The following LRRC14B variants were observed in gnomAD, a reference collection of about 807,000 sequenced individuals.
The protein encoded by LRRC14B is leucine rich repeat containing 14B, also known as leucine-rich repeat-containing protein 14B.
Under a neutral mutation model 16.9 loss-of-function variants are expected in LRRC14B, and 23 were observed. The ratio of observed to expected loss-of-function variants is 1.36; its 90% CI spans 0.98 to 1.92. The LOEUF (loss-of-function observed/expected upper bound fraction) is 1.92, where lower values mean the gene tolerates loss of function less well. Among genes scored for constraint, LRRC14B ranks in the 30% most tolerant of loss-of-function variants. LRRC14B has a pLI of 0.00. For missense variants in LRRC14B, 766 were observed against 705.7 expected (o/e 1.09, Z -0.97); for synonymous variants, 358 against 332.5 (o/e 1.08, Z -0.83).
chr5:193,296 G>A (rs1330664278), intron 1 of LRRC14B, among the ~76,000 whole-genome samples: 1 of 148,934 alleles, frequency 6.7e-6, no homozygotes, highest in Non-Finnish European at 1.5e-5. Context: ...GGTCCGGGGG[G>A]CACCCAGTTT....
At position 191,813 on chromosome 5, in the gene LRRC14B, G is replaced by C. The variant is rs371638103; in HGVS notation, c.275G>C (p.Arg92Pro). ...AGGGCCTGCCTGGAGGCGCTGGTGC[G>C]CGGCCTCGCGGACCACGTGCTGCAG... ...TCRACLEALV[R>P]GLADHVLQDR... Residue 92 changes from arginine to proline, a missense_variant, in exon 1 of 2, where the codon CGC (arginine) becomes CCC (proline). Arg to Pro is a moderately radical substitution (Grantham distance 103, BLOSUM62 -2). Coordinates refer to ENST00000328278, the MANE Select transcript of LRRC14B (RefSeq NM_001080478.3). 2.0e-6 allele frequency: 3 copies of C among 1,530,614 alleles called. No homozygotes were observed. Among genetic ancestry groups the C allele is most frequent in the Non-Finnish European group, 2.6e-6 (3 of 1,143,202 alleles). 94.8% of individuals were successfully genotyped at this position (1,530,614 alleles called of 1,614,324 possible). A position where few individuals can be genotyped will look rare whatever the true frequency, so the allele number is the denominator to read the frequency against.
At position 194,912 on chromosome 5, in the gene LRRC14B, G is replaced by T. The variant is rs1398532158; in HGVS notation, c.1104G>T (p.Glu368Asp). Reference protein sequence around the residue: ...ASRTLRILTLEECGIVDSHVG... With the variant: ...ASRTLRILTLDECGIVDSHVG... Reference sequence around the variant, plus strand: ...GGACGCTGAGGATCCTGACACTGGAGGAGTGTGGCATCGTAGACAGCCACG... The same window carrying T: ...GGACGCTGAGGATCCTGACACTGGATGAGTGTGGCATCGTAGACAGCCACG... Residue 368 changes from glutamate to aspartate, a missense_variant, in exon 2 of 2, where the codon GAG becomes GAT. Transcript: ENST00000328278. The T allele has an allele frequency of 6.2e-6, 10 of 1,608,904 alleles. No individual in the cohort carries two copies. The highest frequency in any genetic ancestry group is 8.5e-6 in the Non-Finnish European group (10 of 1,177,708).
chr5:195,537 G>A lies in LRRC14B; in HGVS notation c.*184G>A, dbSNP rs146555910. ...TAGAAGAGGAAGCCTTCCAGGAGAG[G>A]TGCCATGCGGTGCCCTTTAGTGGCA... On this transcript the variant is annotated 3_prime_UTR_variant, in exon 2 of 2. Coordinates refer to ENST00000328278, the MANE Select transcript of LRRC14B (RefSeq NM_001080478.3). Among the ~76,000 whole-genome samples the A allele has an allele frequency of 4.9e-3, 743 of 152,346 alleles. 7 individuals are homozygous for A. The highest frequency in any genetic ancestry group is 0.017 in the African/African-American group (710 of 41,590).
Position 195,318 on chromosome 5 carries a change from GA to G in LRRC14B, c.1514del (p.Asn505ThrfsTer9). ...FLLQAFKTAL[E>X]NFSRALKQIE Reference sequence around the variant, plus strand: ...GCTGCAAGCTTTCAAAACTGCTCTAGAAAACTTCTCCAGAGCACTCAAACAA... The same window carrying G: ...GCTGCAAGCTTTCAAAACTGCTCTAGAAACTTCTCCAGAGCACTCAAACAA... On this transcript the variant is annotated frameshift_variant, in exon 2 of 2. Coordinates refer to ENST00000328278, the MANE Select transcript of LRRC14B (RefSeq NM_001080478.3). LOFTEE classifies it high-confidence loss of function. The G allele has an allele frequency of 6.2e-7, 1 of 1,606,514 alleles. No individual in the cohort carries two copies. The highest frequency in any genetic ancestry group is 8.5e-7 in the Non-Finnish European group (1 of 1,179,798).
Position 191,733 on chromosome 5 carries a change from A to G in LRRC14B, c.195A>G (p.Gly65=). 6.4e-7 allele frequency: 1 copy of G among 1,569,190 alleles called. No homozygotes were observed. The highest frequency in any genetic ancestry group is 1.9e-5 in the Admixed American group (1 of 53,704). Residue 65 remains glycine, a synonymous_variant, in exon 1 of 2, where the codon GGA becomes GGG. Coordinates refer to ENST00000328278, the MANE Select transcript of LRRC14B (RefSeq NM_001080478.3). ...GRWPLEEFRL[G]ALLGPGADHP... ...GGCCCCTGGAGGAGTTCCGGCTGGG[A>G]GCGCTGCTGGGTCCTGGTGCCGACC...
Position 191,973 on chromosome 5 carries a change from G to A in LRRC14B, c.435G>A (p.Leu145=). 1 of 1,530,678 alleles carries A rather than the reference G, an allele frequency of 6.5e-7. No homozygotes were observed. Among genetic ancestry groups the A allele is most frequent in the South Asian group, 1.2e-5 (1 of 83,710 alleles). The allele number at this position is 1,530,678 out of a possible 1,614,324, so 94.8% of individuals were successfully genotyped here. ...TQLLARTCCE[L]QAEPLAAGRP... Reference sequence around the variant, plus strand: ...TGCTGGCCAGGACCTGCTGTGAGCTGCAGGCAGAGCCCCTCGCAGCCGGGC... The same window carrying A: ...TGCTGGCCAGGACCTGCTGTGAGCTACAGGCAGAGCCCCTCGCAGCCGGGC... Residue 145 remains leucine (L), a synonymous_variant, in exon 1 of 2, where the codon CTG becomes CTA. Coordinates refer to ENST00000328278, the MANE Select transcript of LRRC14B (RefSeq NM_001080478.3).
chr5:191,589 C>G lies in LRRC14B; in HGVS notation c.51C>G (p.Ser17=). The G allele has an allele frequency of 1.2e-6, 2 of 1,612,304 alleles. No homozygotes were observed. Among genetic ancestry groups the G allele is most frequent in the Non-Finnish European group, 1.7e-6 (2 of 1,179,578 alleles). The change falls in exon 1 of 2, where the codon TCC becomes TCG. Residue 17 remains serine (S), a synonymous_variant. Coordinates refer to ENST00000328278, the MANE Select transcript of LRRC14B (RefSeq NM_001080478.3). ...TCATTTCTGCAGAAGCTCTGGTGTCCCACCCCCAGGTGGCCCGGCAGAGCC... is the reference window on the plus strand; with the variant it reads ...TCATTTCTGCAGAAGCTCTGGTGTCGCACCCCCAGGTGGCCCGGCAGAGCC... ...LRFISAEALV[S]HPQVARQSLD... is the part of the protein sequence containing the mutation.
Position 191,697 on chromosome 5 carries a change from G to T in LRRC14B, c.159G>T (p.Val53=). Residue 53 remains valine (V), a synonymous_variant, in exon 1 of 2, where the codon GTG becomes GTT. Coordinates refer to ENST00000328278, the MANE Select transcript of LRRC14B (RefSeq NM_001080478.3). ...LLEQAEVTRA[V]LGRWPLEEFR... is the part of the protein sequence containing the mutation. ...AGCAGGCGGAGGTGACGCGCGCGGT[G>T]CTGGGGCGCTGGCCCCTGGAGGAGT... 6.3e-7 allele frequency: 1 copy of T among 1,592,620 alleles called. No homozygotes were observed. Among genetic ancestry groups the T allele is most frequent in the Non-Finnish European group, 8.5e-7 (1 of 1,170,230 alleles).
intron 1 of LRRC14B, among the ~76,000 whole-genome samples, chr5:194,425 G>A (rs1044524412): frequency 5.9e-5 from 9 of 152,214 alleles, no homozygotes; most frequent in African/African-American, 2.2e-4. Context: ...CGTGGCGGCC[G>A]GCAGTCATGG....
Position 191,934 on chromosome 5 carries a change from G to T in LRRC14B, c.396G>T (p.Trp132Cys), listed in dbSNP as rs1380866616. 1 of 1,514,318 alleles carries T rather than the reference G, an allele frequency of 6.6e-7. No homozygotes were observed. Among genetic ancestry groups the T allele is most frequent in the East Asian group, 2.5e-5 (1 of 40,140 alleles). 93.8% of individuals were successfully genotyped at this position (1,514,318 alleles called of 1,614,324 possible). A position where few individuals can be genotyped will look rare whatever the true frequency, so the allele number is the denominator to read the frequency against. The change falls in exon 1 of 2, where the codon TGG becomes TGT. Residue 132 changes from tryptophan to cysteine, a missense_variant. Transcript: ENST00000328278. The part of the protein sequence containing the change: ...RCPCGRALGR[W>C]GRTQLLARTC... ...CGTGCGGGAGGGCGCTGGGCAGGTGGGGCCGCACCCAGCTGCTGGCCAGGA... is the reference window on the plus strand; with the variant it reads ...CGTGCGGGAGGGCGCTGGGCAGGTGTGGCCGCACCCAGCTGCTGGCCAGGA...
Position 192,378 on chromosome 5 carries a change from G to C in LRRC14B, c.840G>C (p.Gln280His). ...CCCGGGAGCTCAGCAAGATGGCGCA[G>C]CTCACTGAGCTCAGTGTGGCCTTCT... ...SIARELSKMA[Q>H]LTELSVAFST... Residue 280 changes from glutamine to histidine, a missense_variant, in exon 1 of 2, where the codon CAG (glutamine) becomes CAC (histidine). Physicochemically the swap from Gln to His is conservative, Grantham distance 24 (BLOSUM62 0). Transcript: ENST00000328278. 1 of 1,581,354 alleles carries C rather than the reference G, an allele frequency of 6.3e-7. No homozygotes were observed. Among genetic ancestry groups the C allele is most frequent in the Admixed American group, 1.8e-5 (1 of 56,128 alleles).
At chr5:192,705 C>G (rs1733832089) in intron 1 of LRRC14B, among the ~76,000 whole-genome samples, 1 of 152,228 alleles carries the variant, frequency 6.6e-6, no homozygotes, top group African/African-American at 2.4e-5. Flanking sequence ...AATTACCAAA[C>G]AGACGAAACA....
chr5:191,768 A>C lies in LRRC14B; in HGVS notation c.230A>C (p.Asp77Ala). The change falls in exon 1 of 2, where the codon GAC (aspartate) becomes GCC (alanine). Residue 77 changes from aspartate to alanine, a missense_variant. Asp to Ala is a moderately radical substitution (Grantham distance 126, BLOSUM62 -2). Transcript: ENST00000328278. ...GGTCCTGGTGCCGACCACCCCCAGG[A>C]CCTGCGCGACAGAACCTGCAGGGCC... ...LLGPGADHPQ[D>A]LRDRTCRACL... is the part of the protein sequence containing the mutation. 1 of 1,544,716 alleles carries C rather than the reference A, an allele frequency of 6.5e-7. No homozygotes were observed. The highest frequency in any genetic ancestry group is 1.8e-4 in the Middle Eastern group (1 of 5,694).
In LRRC14B at chr5:191,900, A is replaced by T; in HGVS notation, c.362A>T (p.Gln121Leu). The T allele has an allele frequency of 1.3e-6, 2 of 1,510,732 alleles. No individual in the cohort carries two copies. The highest frequency in any genetic ancestry group is 2.5e-5 in the South Asian group (2 of 80,902). 93.6% of individuals were successfully genotyped at this position (1,510,732 alleles called of 1,614,324 possible). Reference protein sequence around the residue: ...DLTGIRDVQVQRCPCGRALGR... With the variant: ...DLTGIRDVQVLRCPCGRALGR... ...ACGGGCATCCGAGATGTGCAGGTGC[A>T]GCGGTGCCCGTGCGGGAGGGCGCTG... is the stretch of plus-strand genomic sequence containing the variant. The change falls in exon 1 of 2, where the codon CAG becomes CTG. Residue 121 changes from glutamine to leucine, a missense_variant. Coordinates refer to ENST00000328278, the MANE Select transcript of LRRC14B (RefSeq NM_001080478.3).
At chr5:194,583 C>T (rs956870023) in intron 1 of LRRC14B, 125 bp from the exon 2 acceptor site, 24 of 810,644 alleles carry the variant, frequency 3.0e-5, no homozygotes, top group African/African-American at 8.7e-5. Context: ...TGAAATTAGG[C>T]GGTGGTTGGA....
chr5:194,535 A>C (rs1733875334), intron 1 of LRRC14B, among the ~76,000 whole-genome samples, 173 bp from the exon 2 acceptor site: 1 of 152,212 alleles, frequency 6.6e-6, no homozygotes, highest in Admixed American at 6.5e-5. Flanking sequence ...ACAAACTATT[A>C]TATAAATATA....
Position 191,910 on chromosome 5 carries a change from G to A in LRRC14B, c.372G>A (p.Pro124=), listed in dbSNP as rs780426277. The A allele has an allele frequency of 1.5e-4, 219 of 1,508,116 alleles. No individual in the cohort carries two copies. The highest frequency in any genetic ancestry group is 1.6e-4 in the Admixed American group (8 of 48,614). 93.4% of individuals were successfully genotyped at this position (1,508,116 alleles called of 1,614,324 possible). A position where few individuals can be genotyped will look rare whatever the true frequency, so the allele number is the denominator to read the frequency against. ...GIRDVQVQRC[P]CGRALGRWGR... ...GAGATGTGCAGGTGCAGCGGTGCCC[G>A]TGCGGGAGGGCGCTGGGCAGGTGGG... is the stretch of plus-strand genomic sequence containing the variant. Residue 124 remains proline (P), a synonymous_variant, in exon 1 of 2, where the codon CCG becomes CCA. Coordinates refer to ENST00000328278, the MANE Select transcript of LRRC14B (RefSeq NM_001080478.3).
In LRRC14B at chr5:195,257, CA is replaced by C; in HGVS notation, c.1450del (p.Ile484PhefsTer20). ...CTCTCTTTGGAAGTTTTGACCCAGACATTCAAGAAACAAGCAATGAGCTTGG... is the reference window on the plus strand; with the variant it reads ...CTCTCTTTGGAAGTTTTGACCCAGACTTCAAGAAACAAGCAATGAGCTTGG... The part of the protein sequence containing the change: ...TPLFGSFDPD[I>X]QETSNELGAF... On this transcript the variant is annotated frameshift_variant, in exon 2 of 2. Coordinates refer to ENST00000328278, the MANE Select transcript of LRRC14B (RefSeq NM_001080478.3). LOFTEE classifies it high-confidence loss of function. 6.2e-7 allele frequency: 1 copy of C among 1,613,124 alleles called. No individual in the cohort carries two copies. Among genetic ancestry groups the C allele is most frequent in the Non-Finnish European group, 8.5e-7 (1 of 1,179,894 alleles).
In LRRC14B at chr5:191,850, C is replaced by A; in HGVS notation, c.312C>A (p.Arg104=). The A allele has an allele frequency of 2.0e-6, 3 of 1,525,138 alleles. No homozygotes were observed. The highest frequency in any genetic ancestry group is 2.6e-6 in the Non-Finnish European group (3 of 1,142,190). 94.5% of individuals were successfully genotyped at this position (1,525,138 alleles called of 1,614,324 possible). A position where few individuals can be genotyped will look rare whatever the true frequency, so the allele number is the denominator to read the frequency against. The change falls in exon 1 of 2, where the codon CGC becomes CGA. Residue 104 remains arginine, a synonymous_variant. Coordinates refer to ENST00000328278, the MANE Select transcript of LRRC14B (RefSeq NM_001080478.3). ...ACCACGTGCTGCAGGACCGGAGCCG[C>A]CGGCGGCTGCGGGTGGCTGACCTCA... ...LADHVLQDRS[R]RRLRVADLTG...
Sources: allele counts gnomAD v4.1 joint callset (sites outside exome capture counted in the v4.1 genomes callset), GRCh38; gene constraint gnomAD v4.1.1; transcripts MANE v1.5; gene names NCBI Gene and HGNC (gene_info 2026-07-23, HGNC 2026-07-21).